Variants in NBPF15 observed in about 807,000 individuals in gnomAD.
NBPF15 encodes the protein NBPF member 15, also known as NBPF family member NBPF15.
A neutral mutation model predicts 62.2 loss-of-function variants in NBPF15; 74 were observed. The observed-to-expected ratio is 1.19, with a 90% CI of 0.99 to 1.44. The LOEUF is 1.44. NBPF15 is among the 40% of genes most tolerant of loss of function. The probability of loss-of-function intolerance (pLI) is 0.00; values close to 1 mark genes in which losing one functional copy is unlikely to be tolerated. For synonymous variants in NBPF15, 244 were observed against 209.7 expected (o/e 1.16, Z -1.41); for missense variants, 790 against 550.0 (o/e 1.44, Z -4.36).
chr1:144,447,965 C>A (rs1166408155), intron 6 of NBPF15, among the ~76,000 whole-genome samples: 1 of 152,060 alleles, frequency 6.6e-6, no homozygotes, highest in Admixed American at 6.6e-5. Context: ...GAGTCAGGGG[C>A]AGCATCAGCC....
chr1:144,438,032 T>C lies in NBPF15; in HGVS notation c.191A>G (p.Lys64Arg), dbSNP rs1392538167. The change falls in exon 9 of 22, where the codon AAA becomes AGA. Residue 64 changes from lysine to arginine, a missense_variant. By Grantham distance (26) the Lys-to-Arg change is conservative (BLOSUM62 2). Transcript: ENST00000581897. ...CCTCAGCATAAATTTTATGAGATCT[T>C]TGCACTCTTCATATTCTGAGAAAAG... ...RQKKYKYEEC[K>R]DLIKFMLRNE... 8.7e-6 allele frequency: 14 copies of C among 1,611,330 alleles called. No individual in the cohort carries two copies. Among genetic ancestry groups the C allele is most frequent in the Non-Finnish European group, 1.1e-5 (13 of 1,179,804 alleles).
At chr1:144,457,188 G>C (rs587735727) in intron 3 of NBPF15, among the ~76,000 whole-genome samples, 3 of 152,082 alleles carry the variant, frequency 2.0e-5, no homozygotes, top group Admixed American at 2.0e-4. Context: ...CTAAATACTT[G>C]AGTAGCCAGG....
chr1:144,428,400 C>G (rs9438172), intron 15 of NBPF15, among the ~76,000 whole-genome samples: 4 of 151,850 alleles, frequency 2.6e-5, no homozygotes, highest in African/African-American at 9.7e-5. Context: ...TATGGTCAAC[C>G]TTCACTAGGT....
At chr1:144,440,912 G>GC (rs1477529101) in intron 6 of NBPF15, among the ~76,000 whole-genome samples, 1 of 151,176 alleles carries the variant, frequency 6.6e-6, no homozygotes, top group African/African-American at 2.4e-5. Context: ...CTCGTGATCT[G>GC]CCGCCTCGGC....
Position 144,432,706 on chromosome 1 carries a change from CAAAG to C in NBPF15, c.824+1063_824+1066del, listed in dbSNP as rs1292559696. On this transcript the variant is annotated intron_variant, in intron 13 of 21. Coordinates refer to ENST00000581897, the MANE Select transcript of NBPF15 (RefSeq NM_001385408.1). ...TTAAACCAACAAAGATCAAAAGAGACAAAGAAGGCCACTACATAATGGTAAAGGG... is the reference window on the plus strand; with the variant it reads ...TTAAACCAACAAAGATCAAAAGAGACAAGGCCACTACATAATGGTAAAGGG... Among the ~76,000 whole-genome samples, 34 of 151,940 alleles carry C rather than the reference CAAAG, an allele frequency of 2.2e-4. 1 individual carries two copies. The highest frequency in any genetic ancestry group is 4.1e-4 in the Non-Finnish European group (28 of 67,932).
intron 13 of NBPF15, among the ~76,000 whole-genome samples, chr1:144,431,697 G>A (rs1571120146): frequency 5.1e-5 from 6 of 118,516 alleles, no homozygotes; most frequent in South Asian, 3.3e-4. Context: ...CTGTGTCCAT[G>A]TGTTCTCATT....
chr1:144,427,945 C>T lies in NBPF15; in HGVS notation c.1086G>A (p.Gln362=), dbSNP rs1240576390. The change falls in exon 16 of 22, where the codon CAG becomes CAA. Residue 362 remains glutamine, a synonymous_variant. Transcript: ENST00000581897. ...TTGAATAACATCTATCCAGTGAGTCCTGCAAGACTTCAGGCTCTTTCTCAT... is the reference window on the plus strand; with the variant it reads ...TTGAATAACATCTATCCAGTGAGTCTTGCAAGACTTCAGGCTCTTTCTCAT... ...LLDEKEPEVL[Q]DSLDRCYSTP... is the part of the protein sequence containing the mutation. The T allele has an allele frequency of 2.6e-6, 2 of 777,798 alleles. No individual in the cohort carries two copies. The highest frequency in any genetic ancestry group is 1.7e-5 in the African/African-American group (1 of 58,508). 48.2% of individuals were successfully genotyped at this position (777,798 alleles called of 1,614,324 possible).
chr1:144,460,842 C>T lies in NBPF15; in HGVS notation c.-819+1G>A, dbSNP rs1177311044. On this transcript the variant is annotated splice_donor_variant, in intron 2 of 21. Transcript: ENST00000581897. LOFTEE classifies it low-confidence loss of function (5UTR_SPLICE). ...AACACCAACCCCACAATCCAACCTA[C>T]CGGAAATCCTGCGGTGAATTAGAGG... 2.7e-5 allele frequency: 4 copies of T among 150,826 alleles called. No individual in the cohort carries two copies. The highest frequency in any genetic ancestry group is 5.9e-5 in the Non-Finnish European group (4 of 67,772). 9.3% of individuals were successfully genotyped at this position (150,826 alleles called of 1,614,324 possible).
intron 13 of NBPF15, among the ~76,000 whole-genome samples, chr1:144,432,496 T>TA (rs1304984024): frequency 1.3e-5 from 2 of 151,900 alleles, no homozygotes; most frequent in African/African-American, 2.4e-5. Context: ...ATGCCCCAGT[T>TA]AAAAAACACA....
At chr1:144,440,784 T>C (rs1316981779) in intron 6 of NBPF15, among the ~76,000 whole-genome samples, 4 of 150,738 alleles carry the variant, frequency 2.7e-5, no homozygotes, top group South Asian at 2.1e-4. Flanking sequence ...TCCCAAGTAG[T>C]TGGGAATACA....
rs1418396734 is a variant in NBPF15, at chr1:144,440,179, G to A, written c.-74C>T. 6.4e-7 allele frequency: 1 copy of A among 1,552,014 alleles called. No individual in the cohort carries two copies. The highest frequency in any genetic ancestry group is 8.7e-7 in the Non-Finnish European group (1 of 1,144,598). On this transcript the variant is annotated 5_prime_UTR_variant, in exon 7 of 22. Coordinates refer to ENST00000581897, the MANE Select transcript of NBPF15 (RefSeq NM_001385408.1). ...GTGATCACTCCCCACAGCACTTTAG[G>A]ATCCTTCACCACAAAAACAAGGTTC...
chr1:144,428,942 G>C (rs1672108234), intron 14 of NBPF15, among the ~76,000 whole-genome samples: 1 of 151,994 alleles, frequency 6.6e-6, no homozygotes, highest in Non-Finnish European at 1.5e-5. Flanking sequence ...CCAATAAATT[G>C]TAGGCAAATA....
At chr1:144,450,229 G>A (rs1414015645) in intron 5 of NBPF15, among the ~76,000 whole-genome samples, 21 of 128,306 alleles carry the variant, frequency 1.6e-4, no homozygotes, top group East Asian at 8.8e-4. Context: ...TGAGGTTACC[G>A]CATGAACTGG....
intron 18 of NBPF15, 71 bp from the exon 19 acceptor site, chr1:144,425,639 A>T: frequency 1.8e-6 from 1 of 565,904 alleles, no homozygotes; most frequent in South Asian, 1.8e-5. Context: ...CCACTGTCTA[A>T]TCCCCACACA....
intron 19 of NBPF15, among the ~76,000 whole-genome samples, chr1:144,425,085 C>G (rs1411478939): frequency 6.9e-6 from 1 of 144,370 alleles, no homozygotes; most frequent in Non-Finnish European, 1.5e-5. Context: ...CACACACACA[C>G]ACACACACAC....
chr1:144,431,114 T>G (rs1673909604), intron 13 of NBPF15, among the ~76,000 whole-genome samples: 1 of 151,374 alleles, frequency 6.6e-6, no homozygotes, highest in South Asian at 2.1e-4. Context: ...GTACTGAAAG[T>G]GACGGGGAGA....
Position 144,421,486 on chromosome 1 carries a change from A to T in NBPF15, c.*1527T>A, listed in dbSNP as rs1203107507. ...CACTGAATGTAAAAAACAATCCAGA[A>T]GTCCAGAGTGATAGGCAAAAGGTTT... On this transcript the variant is annotated 3_prime_UTR_variant, in exon 22 of 22. Transcript: ENST00000581897. The T allele has an allele frequency of 6.6e-6, 1 of 151,994 alleles. No homozygotes were observed. Among genetic ancestry groups the T allele is most frequent in the African/African-American group, 2.4e-5 (1 of 41,408 alleles). 9.4% of individuals were successfully genotyped at this position (151,994 alleles called of 1,614,324 possible).
chr1:144,439,667 C>A (rs1194339651), intron 8 of NBPF15, among the ~76,000 whole-genome samples, 162 bp downstream of exon 8: 7 of 150,772 alleles, frequency 4.6e-5, no homozygotes, highest in Non-Finnish European at 1.0e-4. Context: ...TACTTTGGTA[C>A]CTCTGTCTTC....
At position 144,439,955 on chromosome 1, in the gene NBPF15, T is replaced by C. The variant is rs1158798218; in HGVS notation, c.49A>G (p.Ile17Val). 471 of 1,610,722 alleles carry C rather than the reference T, an allele frequency of 2.9e-4. 8 individuals carry two copies. The highest frequency in any genetic ancestry group is 3.6e-4 in the Non-Finnish European group (422 of 1,178,602). The change falls in exon 8 of 22, where the codon ATT (isoleucine) becomes GTT (valine). Residue 17 changes from isoleucine to valine, a missense_variant. Transcript: ENST00000581897. ...PLSSEKAEMN[I>V]LEINEKLRPQ... ...CGCAATTTCTCATTGATTTCTAGAA[T>C]GTTCATCTCTGCCTTCTCGCTGGAC...
Sources: allele counts gnomAD v4.1 joint callset (sites outside exome capture counted in the v4.1 genomes callset), GRCh38; gene constraint gnomAD v4.1.1; transcripts MANE v1.5; gene names NCBI Gene and HGNC (gene_info 2026-07-23, HGNC 2026-07-21).